SLIT2: variants seen among roughly 807,000 people sequenced by gnomAD.
SLIT2 encodes the protein slit homolog 2 protein.
Under a neutral mutation model 185.7 loss-of-function variants are expected in SLIT2, and 41 were observed. The observed-to-expected ratio is 0.22, with a 90% CI of 0.17 to 0.29. SLIT2 has a LOEUF of 0.29. SLIT2 is among the 10% of genes least tolerant of loss of function. The probability of loss-of-function intolerance (pLI) is 1.00; values close to 1 mark genes in which losing one functional copy is unlikely to be tolerated. For synonymous variants in SLIT2, 693 were observed against 680.2 expected, an observed-to-expected ratio of 1.02 and a Z score of -0.29; for missense variants, 1,571 against 1,909.0, an observed-to-expected ratio of 0.82 and a Z score of 3.30.
chr4:20,593,459 G>C (rs1438366286), intron 30 of SLIT2, among the ~76,000 whole-genome samples: 2 of 152,076 alleles, frequency 1.3e-5, no homozygotes, highest in Non-Finnish European at 2.9e-5. Context: ...TACAAGAGTG[G>C]TTACCAGGAA....
rs530134090 is a variant in SLIT2, at chr4:20,265,666, T to C, written c.324-3144T>C. Among the ~76,000 whole-genome samples the C allele has an allele frequency of 7.2e-5, 11 of 152,008 alleles. No homozygotes were observed. The East Asian group carries it at 7.7e-4, about 11-fold the overall frequency. On this transcript the variant is annotated intron_variant, in intron 3 of 36. Coordinates refer to ENST00000504154, the MANE Select transcript of SLIT2 (RefSeq NM_004787.4). ...TCGTATATATTTTCAGTTTTTTTTT[T>C]CTGAAATTTAAAATACCTAGTTTTC...
rs1225886745 is a variant in SLIT2, at chr4:20,541,438, G to T, written c.1977-15G>T. The T allele has an allele frequency of 1.2e-6, 2 of 1,613,212 alleles. No homozygotes were observed. The highest frequency in any genetic ancestry group is 2.2e-5 in the East Asian group (1 of 44,856). Reference sequence around the variant, plus strand: ...CCCCAGGCTAAACTGTGCATCGTTTGCCTGTGGCTCTTAGAAACCTCTTGG... The same window carrying T: ...CCCCAGGCTAAACTGTGCATCGTTTTCCTGTGGCTCTTAGAAACCTCTTGG... On this transcript the variant is annotated splice_polypyrimidine_tract_variant and intron_variant, in intron 19 of 36. Transcript: ENST00000504154.
At chr4:20,540,623 G>A (rs1022248024) in intron 19 of SLIT2, among the ~76,000 whole-genome samples, 1 of 152,132 alleles carries the variant, frequency 6.6e-6, no homozygotes, top group Admixed American at 6.6e-5. Context: ...TAACTGATAA[G>A]ATTTCTCAGT....
At chr4:20,501,085 T>C (rs946007139) in intron 9 of SLIT2, among the ~76,000 whole-genome samples, 3 of 152,324 alleles carry the variant, frequency 2.0e-5, no homozygotes, top group Non-Finnish European at 2.9e-5. Flanking sequence ...ATGTGAATTT[T>C]TTATGTAAAC....
intron 33 of SLIT2, among the ~76,000 whole-genome samples, chr4:20,606,448 C>T (rs1048880541): frequency 6.6e-6 from 1 of 151,098 alleles, no homozygotes; most frequent in Non-Finnish European, 1.5e-5. Context: ...TGTCACCGTA[C>T]TCCAGCCTGG....
Position 20,577,530 on chromosome 4 carries a change from C to G in SLIT2, c.3088+8526C>G, listed in dbSNP as rs372085665. ...ATGGCTAATGTATCTTACTGGGCAT[C>G]TGCCTGTGTTACTGTGTTGTGGTGC... On this transcript the variant is annotated intron_variant, in intron 29 of 36. Coordinates refer to ENST00000504154, the MANE Select transcript of SLIT2 (RefSeq NM_004787.4). 2.6e-5 allele frequency among the ~76,000 whole-genome samples: 4 copies of G among 152,332 alleles called. No individual in the cohort carries two copies. In the South Asian group the frequency reaches 6.2e-4, roughly 24 times the overall value.
chr4:20,506,409 A>T (rs1247947807), intron 9 of SLIT2, among the ~76,000 whole-genome samples: 1 of 151,998 alleles, frequency 6.6e-6, no homozygotes, highest in African/African-American at 2.4e-5. Context: ...TCTTTATGGA[A>T]CAATGGATTC....
intron 29 of SLIT2, among the ~76,000 whole-genome samples, chr4:20,574,804 A>AAAAC (rs1725948457): frequency 6.6e-6 from 1 of 151,846 alleles, no homozygotes; most frequent in Admixed American, 6.6e-5. Context: ...AAAAAAAAAA[A>AAAAC]AAACAAAGGT....
At chr4:20,287,212 C>T (rs1715347544) in intron 4 of SLIT2, among the ~76,000 whole-genome samples, 1 of 152,142 alleles carries the variant, frequency 6.6e-6, no homozygotes, top group African/African-American at 2.4e-5. Flanking sequence ...ATTTCTTCTG[C>T]CTTCTTCACC....
At chr4:20,295,047 T>C (rs1488825489) in intron 4 of SLIT2, among the ~76,000 whole-genome samples, 2 of 152,226 alleles carry the variant, frequency 1.3e-5, no homozygotes, top group Non-Finnish European at 2.9e-5. Flanking sequence ...AAGATGAAAG[T>C]AATTTGATAT....
At chr4:20,384,979 C>T (rs1167723254) in intron 4 of SLIT2, among the ~76,000 whole-genome samples, 1 of 152,152 alleles carries the variant, frequency 6.6e-6, no homozygotes, top group Non-Finnish European at 1.5e-5. Context: ...AAAAGAACTT[C>T]CAAAATCTTT....
rs762108282 is a variant in SLIT2 at position 20,252,910 on chromosome 4, T to C, written c.-906T>C. Among the ~76,000 whole-genome samples the C allele has an allele frequency of 1.5e-4, 23 of 152,166 alleles. 1 individual carries two copies. Among genetic ancestry groups the C allele is most frequent in the Non-Finnish European group, 3.1e-4 (21 of 68,026 alleles). Reference sequence around the variant, plus strand: ...CACTCAGTCTTCGCAGCAGCTCTCATCCTCCACTTGGCCTCTTGGAGTTCC... The same window carrying C: ...CACTCAGTCTTCGCAGCAGCTCTCACCCTCCACTTGGCCTCTTGGAGTTCC... On this transcript the variant is annotated 5_prime_UTR_variant, in exon 1 of 37. Transcript: ENST00000504154.
At chr4:20,312,040 A>G (rs1416320996) in intron 4 of SLIT2, among the ~76,000 whole-genome samples, 3 of 152,224 alleles carry the variant, frequency 2.0e-5, no homozygotes, top group African/African-American at 7.2e-5. Context: ...AAGATTAGCT[A>G]AAGAATTTAG....
At chr4:20,410,901 T>G (rs2109428450) in intron 4 of SLIT2, among the ~76,000 whole-genome samples, 1 of 152,262 alleles carries the variant, frequency 6.6e-6, no homozygotes, top group African/African-American at 2.4e-5. Context: ...ATAGGGCTCT[T>G]TTTTTGGTTC....
chr4:20,335,979 G>A lies in SLIT2; in HGVS notation c.395+67098G>A, dbSNP rs1341576672. ...GTAGAGAGGTAGAAAACTGAGTTTA[G>A]CCGACCAACATGTTATTCTTGTTGT... On this transcript the variant is annotated intron_variant, in intron 4 of 36. Transcript: ENST00000504154. Among the ~76,000 whole-genome samples, 4 of 152,074 alleles carry A rather than the reference G, an allele frequency of 2.6e-5. No homozygotes were observed. In the East Asian group the frequency reaches 7.7e-4, roughly 29 times the overall value.
chr4:20,598,367 G>T lies in SLIT2; in HGVS notation c.3664G>T (p.Gly1222Cys). ...GCGTGTTCGTGCCAGCTATGACACCGGCTCTCATCCAGCTTCTGCCATTTA... is the reference window on the plus strand; with the variant it reads ...GCGTGTTCGTGCCAGCTATGACACCTGCTCTCATCCAGCTTCTGCCATTTA... ...RGRVRASYDT[G>C]SHPASAIYSV... The change falls in exon 33 of 37, where the codon GGC becomes TGC. Residue 1222 changes from glycine (G) to cysteine (C), a missense_variant. Physicochemically the swap from Gly to Cys is radical, Grantham distance 159 (BLOSUM62 -3). Coordinates refer to ENST00000504154, the MANE Select transcript of SLIT2 (RefSeq NM_004787.4). 1.2e-6 allele frequency: 2 copies of T among 1,614,054 alleles called. No homozygotes were observed. The highest frequency in any genetic ancestry group is 1.7e-6 in the Non-Finnish European group (2 of 1,179,962).
chr4:20,340,562 GA>G (rs1720878608), intron 4 of SLIT2, among the ~76,000 whole-genome samples: 2 of 152,038 alleles, frequency 1.3e-5, no homozygotes, highest in South Asian at 4.2e-4. Context: ...ATGGCCAGAA[GA>G]GATAGACAAA....
intron 4 of SLIT2, among the ~76,000 whole-genome samples, chr4:20,337,910 A>G (rs1181003343): frequency 6.6e-6 from 1 of 152,172 alleles, no homozygotes; most frequent in East Asian, 1.9e-4. Context: ...AAATGATGCC[A>G]CTAAATACGC....
chr4:20,452,932 A>G (rs1207814542), intron 4 of SLIT2, among the ~76,000 whole-genome samples: 2 of 152,174 alleles, frequency 1.3e-5, no homozygotes, highest in Non-Finnish European at 2.9e-5. Context: ...AGCCCACCAA[A>G]TTTAAAACCA....
Sources: gnomAD v4.1 joint callset for allele counts (sites outside exome capture counted in the v4.1 genomes callset) on GRCh38, gnomAD v4.1.1 for gene constraint, MANE v1.5 for transcripts, NCBI Gene and HGNC (gene_info 2026-07-23, HGNC 2026-07-21) for gene names.